The following TMPRSS11A variants were observed in gnomAD, a reference collection of about 807,000 sequenced individuals.
TMPRSS11A encodes transmembrane serine protease 11A.
TMPRSS11A carries 53 observed loss-of-function variants against 58.9 expected under a neutral mutation model. That is an observed-to-expected ratio of 0.90 (90% CI 0.72 to 1.13). The LOEUF (loss-of-function observed/expected upper bound fraction) is 1.13, where lower values mean the gene tolerates loss of function less well. TMPRSS11A is among the 50% of genes most tolerant of loss of function. The pLI, the probability that TMPRSS11A is intolerant of heterozygous loss-of-function variation, is 0.00. For missense variants in TMPRSS11A, 493 were observed against 499.3 expected, an observed-to-expected ratio of 0.99 and a Z score of 0.12; for synonymous variants, 167 against 169.8, an observed-to-expected ratio of 0.98 and a Z score of 0.13.
Position 67,911,640 on chromosome 4 carries a change from G to C in TMPRSS11A, c.1096-137C>G, listed in dbSNP as rs572132189. The stretch of plus-strand genomic sequence containing the variant: ...CTATCAACACAGAATAATTAATTGA[G>C]ACATGGATTTTAATATTACAAAGAG... On this transcript the variant is annotated intron_variant, in intron 9 of 9. Coordinates refer to ENST00000508048, the MANE Select transcript of TMPRSS11A (RefSeq NM_001114387.2). The C allele has an allele frequency of 7.5e-6, 4 of 529,838 alleles. No homozygotes were observed. In the African/African-American group the frequency reaches 7.6e-5, roughly 10 times the overall value. The allele number at this position is 529,838 out of a possible 1,614,324, so 32.8% of individuals were successfully genotyped here.
intron 6 of TMPRSS11A, among the ~76,000 whole-genome samples, chr4:67,923,507 A>AT (rs1481822179): frequency 6.6e-6 from 1 of 151,880 alleles, no homozygotes; most frequent in African/African-American, 2.4e-5. Flanking sequence ...TATTAAGCAT[A>AT]TTTTTTTCTT....
At chr4:67,946,224 T>C (rs1035597686) in intron 2 of TMPRSS11A, among the ~76,000 whole-genome samples, 1 of 152,178 alleles carries the variant, frequency 6.6e-6, no homozygotes, top group Non-Finnish European at 1.5e-5. Flanking sequence ...ATTAGAAATC[T>C]GTCTACTTTG....
At chr4:67,932,676 C>G (rs1445472937) in intron 3 of TMPRSS11A, among the ~76,000 whole-genome samples, 1 of 152,062 alleles carries the variant, frequency 6.6e-6, no homozygotes, top group African/African-American at 2.4e-5. Flanking sequence ...CATTACAGGT[C>G]TTAGCTCTGC....
chr4:67,920,052 T>G (rs1410176389), intron 7 of TMPRSS11A, among the ~76,000 whole-genome samples: 3 of 152,166 alleles, frequency 2.0e-5, no homozygotes, highest in African/African-American at 4.8e-5. Context: ...AGGTCAAGAA[T>G]GGATGTGGTA....
Position 67,910,602 on chromosome 4 carries a change from A to G in TMPRSS11A, c.*740T>C, listed in dbSNP as rs903061581. The G allele has an allele frequency of 6.6e-6, 1 of 152,100 alleles. No individual in the cohort carries two copies. Among genetic ancestry groups the G allele is most frequent in the African/African-American group, 2.4e-5 (1 of 41,450 alleles). The allele number at this position is 152,100 out of a possible 1,614,324, so 9.4% of individuals were successfully genotyped here. On this transcript the variant is annotated 3_prime_UTR_variant, in exon 10 of 10. Transcript: ENST00000508048. ...TCACCTTCTCCCAAATTTTTAACAA[A>G]TATATAGTTTTGATTAACTAATCAC...
intron 1 of TMPRSS11A, among the ~76,000 whole-genome samples, chr4:67,951,575 C>T (rs1447965154): frequency 8.8e-6 from 1 of 113,044 alleles, no homozygotes; most frequent in East Asian, 2.7e-4. Context: ...CAAGTCTCTT[C>T]TTTTGGGGGG....
At chr4:67,926,685 A>C (rs1720480558) in intron 5 of TMPRSS11A, among the ~76,000 whole-genome samples, 1 of 152,216 alleles carries the variant, frequency 6.6e-6, no homozygotes, top group Non-Finnish European at 1.5e-5. Flanking sequence ...GAAGGTGGAC[A>C]GTCCTTGGAG....
rs1400506356 is a variant in TMPRSS11A, at chr4:67,929,864, A to C, written c.481+16T>G. 1.3e-6 allele frequency: 2 copies of C among 1,598,148 alleles called. No homozygotes were observed. Among genetic ancestry groups the C allele is most frequent in the African/African-American group, 2.7e-5 (2 of 74,644 alleles). On this transcript the variant is annotated intron_variant, in intron 5 of 9. Coordinates refer to ENST00000508048, the MANE Select transcript of TMPRSS11A (RefSeq NM_001114387.2). ...TAATAGACAACTTCATATCACATAGAAGGGGACCTCCTTACCATTAACTTG... is the reference window on the plus strand; with the variant it reads ...TAATAGACAACTTCATATCACATAGCAGGGGACCTCCTTACCATTAACTTG...
chr4:67,958,131 C>G (rs1201806202), intron 1 of TMPRSS11A, among the ~76,000 whole-genome samples: 2 of 152,212 alleles, frequency 1.3e-5, no homozygotes, highest in African/African-American at 4.8e-5. Context: ...CATGGAGAAC[C>G]TCTGCTAGGG....
rs1345284295 is a variant in TMPRSS11A, at chr4:67,920,790, A to G, written c.693-1558T>C. Among the ~76,000 whole-genome samples the G allele has an allele frequency of 2.0e-5, 3 of 151,968 alleles. No individual in the cohort carries two copies. In the East Asian group the frequency reaches 5.8e-4, roughly 29 times the overall value. ...TCCTCTCCCTCTAGCACTCTTCGGTATAGCAAAGACATAGAATCAACCTAA... is the reference window on the plus strand; with the variant it reads ...TCCTCTCCCTCTAGCACTCTTCGGTGTAGCAAAGACATAGAATCAACCTAA... On this transcript the variant is annotated intron_variant, in intron 7 of 9. Coordinates refer to ENST00000508048, the MANE Select transcript of TMPRSS11A (RefSeq NM_001114387.2).
intron 4 of TMPRSS11A, among the ~76,000 whole-genome samples, chr4:67,930,635 A>G (rs1720589378): frequency 6.6e-6 from 1 of 152,014 alleles, no homozygotes; most frequent in Non-Finnish European, 1.5e-5. Context: ...AGTCTTCTCC[A>G]AATTAAACAT....
At chr4:67,955,038 G>A (rs1721251447) in intron 1 of TMPRSS11A, among the ~76,000 whole-genome samples, 1 of 152,132 alleles carries the variant, frequency 6.6e-6, no homozygotes, top group African/African-American at 2.4e-5. Flanking sequence ...TTTAGTGTGA[G>A]GATACATTTT....
At chr4:67,944,442 TTAGAAA>T in intron 3 of TMPRSS11A, 71 bp downstream of exon 3, 1 of 1,513,368 alleles carries the variant, frequency 6.6e-7, no homozygotes, top group Non-Finnish European at 9.0e-7. Context: ...AATCATGTTT[TTAGAAA>T]TGGAGAAATG....
chr4:67,935,131 A>T (rs776471230), intron 3 of TMPRSS11A, among the ~76,000 whole-genome samples: 1 of 152,242 alleles, frequency 6.6e-6, no homozygotes, highest in Non-Finnish European at 1.5e-5. Flanking sequence ...ATAAAGCTTC[A>T]CTGAGGTTTC....
intron 3 of TMPRSS11A, among the ~76,000 whole-genome samples, chr4:67,934,176 C>G (rs1054453306): frequency 2.0e-5 from 3 of 152,038 alleles, no homozygotes; most frequent in African/African-American, 7.2e-5. Context: ...TCGGAGGAGG[C>G]CTTAGAATCT....
At chr4:67,915,474 C>G (rs1167527057) in intron 8 of TMPRSS11A, among the ~76,000 whole-genome samples, 1 of 152,154 alleles carries the variant, frequency 6.6e-6, no homozygotes, top group Non-Finnish European at 1.5e-5. Context: ...TGGGCAGGAT[C>G]TGTGAATATG....
At chr4:67,911,562 TTAAGA>T in intron 9 of TMPRSS11A, 59 bp from the exon 10 acceptor site, 1 of 1,405,364 alleles carries the variant, frequency 7.1e-7, no homozygotes, top group Non-Finnish European at 9.8e-7. Context: ...AGCTCATTAT[TTAAGA>T]TATTTTGATG....
rs1483164403 is a variant in TMPRSS11A, at chr4:67,932,032, C to T, written c.281G>A (p.Trp94Ter). 1 of 1,600,598 alleles carries T rather than the reference C, an allele frequency of 6.2e-7. No individual in the cohort carries two copies. The highest frequency in any genetic ancestry group is 1.1e-5 in the South Asian group (1 of 90,602). ...TTGGTTCTTGATATAATTTTTCTTC[C>T]AGGCTGAATCTATAAATATCTCATC... ...LVDEIFIDSA[W>*]KKNYIKNQVV... is the part of the protein sequence containing the mutation. The change falls in exon 4 of 10, where the codon TGG becomes TAG. Residue 94 changes from tryptophan (W) to a stop codon, truncating the protein, a stop_gained. Transcript: ENST00000508048. LOFTEE classifies it high-confidence loss of function.
intron 3 of TMPRSS11A, among the ~76,000 whole-genome samples, chr4:67,932,274 G>A (rs186924350): frequency 5.7e-4 from 86 of 152,126 alleles, no homozygotes; most frequent in African/African-American, 1.9e-3. Context: ...TTTTGGTTTC[G>A]ATTGGTCTAG....
Sources: allele counts gnomAD v4.1 joint callset (sites outside exome capture counted in the v4.1 genomes callset), GRCh38; gene constraint gnomAD v4.1.1; transcripts MANE v1.5; gene names NCBI Gene and HGNC (gene_info 2026-07-23, HGNC 2026-07-21).